SBF2: variants seen among roughly 807,000 people sequenced by gnomAD.
SBF2 encodes the protein SET binding factor 2.
Under a neutral mutation model 225.2 loss-of-function variants are expected in SBF2, and 112 were observed. The ratio of observed to expected loss-of-function variants is 0.50; its 90% CI spans 0.43 to 0.58. The LOEUF (loss-of-function observed/expected upper bound fraction) is 0.58, where lower values mean the gene tolerates loss of function less well. SBF2 is among the 20% of genes least tolerant of loss of function. The probability of loss-of-function intolerance (pLI) is 0.00; values close to 1 mark genes in which losing one functional copy is unlikely to be tolerated. For missense variants in SBF2, 1,996 were observed against 2,206.2 expected, an observed-to-expected ratio of 0.90 and a Z score of 1.91; for synonymous variants, 763 against 773.3, an observed-to-expected ratio of 0.99 and a Z score of 0.22.
At chr11:10,136,785 G>A (rs1252914096) in intron 2 of SBF2, among the ~76,000 whole-genome samples, 1 of 152,228 alleles carries the variant, frequency 6.6e-6, no homozygotes, top group African/African-American at 2.4e-5. Context: ...CCATGCATTT[G>A]ATATAAGAAG....
intron 12 of SBF2, 75 bp from the exon 13 acceptor site, chr11:9,989,670 A>C: frequency 1.1e-6 from 1 of 927,008 alleles, no homozygotes; most frequent in Non-Finnish European, 1.7e-6. Flanking sequence ...AATTTCATAC[A>C]ATTTGCAAGC....
chr11:10,202,681 C>T (rs887559154), intron 1 of SBF2, among the ~76,000 whole-genome samples: 33 of 152,130 alleles, frequency 2.2e-4, no homozygotes, highest in Non-Finnish European at 3.2e-4. Flanking sequence ...CCAGCTACTC[C>T]GGAGTCTGAG....
chr11:9,921,700 GTTAC>G (rs144344779), intron 16 of SBF2, among the ~76,000 whole-genome samples: 18,621 of 152,076 alleles, frequency 0.12, 1,212 homozygotes, highest in Non-Finnish European at 0.14. Context: ...ATATGCTTGT[GTTAC>G]TTACTTCATA....
At chr11:10,091,846 C>T (rs749226081) in intron 2 of SBF2, among the ~76,000 whole-genome samples, 4 of 152,100 alleles carry the variant, frequency 2.6e-5, no homozygotes, top group Non-Finnish European at 4.4e-5. Context: ...AGACAACTGT[C>T]GGTTATGATG....
chr11:9,913,028 C>T (rs917528428), intron 16 of SBF2, among the ~76,000 whole-genome samples: 4 of 152,124 alleles, frequency 2.6e-5, no homozygotes, highest in African/African-American at 4.8e-5. Context: ...GGTTCACACC[C>T]GTAACCCCAT....
chr11:9,828,687 CA>C, intron 28 of SBF2: 1 of 955,040 alleles, frequency 1.0e-6, no homozygotes, highest in Non-Finnish European at 1.2e-6. Context: ...CCAGTGAAAA[CA>C]AATTGTACTG....
At chr11:10,178,518 C>G (rs2135276678) in intron 2 of SBF2, among the ~76,000 whole-genome samples, 1 of 150,116 alleles carries the variant, frequency 6.7e-6, no homozygotes, top group East Asian at 2.0e-4. Flanking sequence ...ACAATCCCAT[C>G]AAAAAGTGGG....
chr11:10,054,098 C>T (rs367661607), intron 2 of SBF2, among the ~76,000 whole-genome samples: 8 of 152,184 alleles, frequency 5.3e-5, no homozygotes, highest in African/African-American at 1.7e-4. Flanking sequence ...AAGGGACTAT[C>T]CAAAATTATT....
intron 1 of SBF2, 148 bp downstream of exon 1, chr11:10,293,867 C>A (rs1442729968): frequency 4.1e-6 from 2 of 492,556 alleles, no homozygotes; most frequent in East Asian, 3.9e-5. Flanking sequence ...TCAGCCCAGC[C>A]GAGAAGGCCG....
At chr11:10,217,518 T>C (rs1408157757) in intron 1 of SBF2, among the ~76,000 whole-genome samples, 1 of 152,078 alleles carries the variant, frequency 6.6e-6, no homozygotes, top group Non-Finnish European at 1.5e-5. Flanking sequence ...CTTAAGACAA[T>C]AAAAGGCAAA....
At chr11:9,994,593 TGA>T (rs1947606582) in intron 9 of SBF2, among the ~76,000 whole-genome samples, 2 of 149,770 alleles carry the variant, frequency 1.3e-5, no homozygotes, top group Admixed American at 6.7e-5. Context: ...TATATATATA[TGA>T]AAATGAAAAG....
intron 1 of SBF2, among the ~76,000 whole-genome samples, chr11:10,230,586 A>G (rs564617575): frequency 6.6e-6 from 1 of 152,286 alleles, no homozygotes; most frequent in East Asian, 1.9e-4. Context: ...GTTTGGCTGG[A>G]TATGAAATTC....
At chr11:9,809,074 C>A in intron 30 of SBF2, 72 bp from the exon 31 acceptor site, 2 of 1,154,048 alleles carry the variant, frequency 1.7e-6, no homozygotes, top group Non-Finnish European at 1.3e-6. Flanking sequence ...GAGTTGCTTT[C>A]AACCCTGGAT....
rs534407041 is a variant in SBF2 at position 9,829,411 on chromosome 11, C to A, written c.3738G>T (p.Gln1246His). 2 of 1,614,042 alleles carry A rather than the reference C, an allele frequency of 1.2e-6. No homozygotes were observed. The highest frequency in any genetic ancestry group is 4.5e-5 in the East Asian group (2 of 44,862). The change falls in exon 28 of 40, where the codon CAG (glutamine) becomes CAT (histidine). Residue 1246 changes from glutamine (Q) to histidine (H), a missense_variant. Gln to His is a conservative substitution (Grantham distance 24). Transcript: ENST00000256190. Reference sequence around the variant, plus strand: ...TAAGAGTGCTGTTGCCTCTGAGTTTCTGATGGACAGAAACAGCATTCAGTA... The same window carrying A: ...TAAGAGTGCTGTTGCCTCTGAGTTTATGATGGACAGAAACAGCATTCAGTA... ...QALLNAVSVH[Q>H]KLRGNSTLTV...
At chr11:9,963,954 T>C (rs1866741956) in intron 14 of SBF2, 72 bp from the exon 15 acceptor site, 1 of 887,388 alleles carries the variant, frequency 1.1e-6, no homozygotes, top group South Asian at 1.4e-5. Flanking sequence ...AAGAGACTAC[T>C]ACTTTAAGAC....
At chr11:10,067,881 A>AC (rs1950691170) in intron 2 of SBF2, among the ~76,000 whole-genome samples, 1 of 152,010 alleles carries the variant, frequency 6.6e-6, no homozygotes, top group Admixed American at 6.6e-5. Context: ...ACAAAATGAT[A>AC]CCCCTCCCCC....
intron 2 of SBF2, among the ~76,000 whole-genome samples, chr11:10,131,425 G>A (rs1411674863): frequency 6.6e-6 from 1 of 151,590 alleles, no homozygotes; most frequent in African/African-American, 2.4e-5. Context: ...TTTTAAAAAA[G>A]ATTGTGATTT....
chr11:9,845,566 G>A lies in SBF2; in HGVS notation c.3109C>T (p.Arg1037Cys), dbSNP rs770723203. ...TAACAGACTTGTCTTTCTTCTTACC[G>A]AAAAGAAGTGTTCTTTTCCTTCTGT... ...PKQKEKNTSF[R>C]TFSKTIVKGA... Residue 1037 changes from arginine to cysteine, a missense_variant and splice_region_variant, in exon 24 of 40, where the codon CGT becomes TGT. Transcript: ENST00000256190. 9.3e-6 allele frequency: 15 copies of A among 1,613,140 alleles called. No homozygotes were observed. The highest frequency in any genetic ancestry group is 1.2e-5 in the Non-Finnish European group (14 of 1,179,294).
chr11:9,953,672 A>G (rs962691180), intron 16 of SBF2, among the ~76,000 whole-genome samples: 3 of 152,146 alleles, frequency 2.0e-5, no homozygotes, highest in African/African-American at 7.2e-5. Context: ...GTACTCACAA[A>G]TCTGATTGTC....
Sources: allele counts gnomAD v4.1 joint callset (sites outside exome capture counted in the v4.1 genomes callset), GRCh38; gene constraint gnomAD v4.1.1; transcripts MANE v1.5; gene names NCBI Gene and HGNC (gene_info 2026-07-23, HGNC 2026-07-21).